CFAP54: variants seen among roughly 807,000 people sequenced by gnomAD.
CFAP54 encodes the protein cilia and flagella associated protein 54.
A neutral mutation model predicts 370.4 loss-of-function variants in CFAP54; 290 were observed. The observed-to-expected ratio is 0.78, with a 90% CI of 0.71 to 0.86. The LOEUF (loss-of-function observed/expected upper bound fraction) is 0.86, where lower values mean the gene tolerates loss of function less well. Among genes scored for constraint, CFAP54 ranks in the 40% least tolerant of loss-of-function variants. CFAP54 has a pLI of 0.00. For missense variants in CFAP54, 3,399 were observed against 3,528.7 expected, an observed-to-expected ratio of 0.96 and a Z score of 0.93; for synonymous variants, 1,206 against 1,236.5, an observed-to-expected ratio of 0.98 and a Z score of 0.52.
intron 36 of CFAP54, among the ~76,000 whole-genome samples, chr12:96,655,228 G>C (rs1289473441): frequency 6.6e-6 from 1 of 150,404 alleles, no homozygotes; most frequent in Non-Finnish European, 1.5e-5. Context: ...GCAGTTCAGA[G>C]GTTTCAAAAA....
chr12:96,667,983 A>G (rs1217711374), intron 39 of CFAP54, among the ~76,000 whole-genome samples: 2 of 152,222 alleles, frequency 1.3e-5, no homozygotes, highest in Admixed American at 6.5e-5. Context: ...GTCTCTTTGC[A>G]TAGCAAGAGT....
chr12:96,636,442 G>C (rs1956665120), intron 32 of CFAP54, among the ~76,000 whole-genome samples: 1 of 151,874 alleles, frequency 6.6e-6, no homozygotes, highest in South Asian at 2.1e-4. Flanking sequence ...ATTAACTTTT[G>C]ACTCTCTGCT....
chr12:96,608,136 C>A (rs1470620709), intron 26 of CFAP54, among the ~76,000 whole-genome samples: 1 of 151,926 alleles, frequency 6.6e-6, no homozygotes, highest in Non-Finnish European at 1.5e-5. Flanking sequence ...GTGACTAGGA[C>A]TTTGTAATAT....
rs1959868009 is a variant in CFAP54 at position 96,861,050 on chromosome 12, T to C, written c.*14+98T>C. On this transcript the variant is annotated intron_variant, in intron 67 of 67. Transcript: ENST00000524981. ...AACAACAAACATAAAATTGTTTTTT[T>C]ACACAAGCTAAATTTCTTTAAAATT... The C allele has an allele frequency of 2.2e-5, 19 of 844,510 alleles. No individual in the cohort carries two copies. The South Asian group carries it at 5.6e-4, about 25-fold the overall frequency. 52.3% of individuals were successfully genotyped at this position (844,510 alleles called of 1,614,324 possible).
chr12:96,500,445 T>A (rs117578509), intron 1 of CFAP54, among the ~76,000 whole-genome samples: 2 of 152,120 alleles, frequency 1.3e-5, no homozygotes, highest in Non-Finnish European at 2.9e-5. Context: ...ACTATGGACT[T>A]TGGGTGATAA....
intron 45 of CFAP54, among the ~76,000 whole-genome samples, chr12:96,696,286 C>G (rs140499009): frequency 6.6e-6 from 1 of 152,116 alleles, no homozygotes; most frequent in Non-Finnish European, 1.5e-5. Context: ...TCTTGAATTC[C>G]CAACTCTGAA....
At chr12:96,872,720 G>A (rs1414810800) in intron 67 of CFAP54, among the ~76,000 whole-genome samples, 1 of 152,158 alleles carries the variant, frequency 6.6e-6, no homozygotes, top group East Asian at 1.9e-4. Flanking sequence ...GTCTGTTGGA[G>A]TAGGTGGTCT....
chr12:96,857,300 C>T (rs1986979903), intron 66 of CFAP54, among the ~76,000 whole-genome samples: 1 of 152,176 alleles, frequency 6.6e-6, no homozygotes, highest in Non-Finnish European at 1.5e-5. Context: ...CCACCTTCTA[C>T]CCTCAAGTAG....
At chr12:96,719,397 C>T (rs767760750) in intron 49 of CFAP54, among the ~76,000 whole-genome samples, 2 of 152,136 alleles carry the variant, frequency 1.3e-5, no homozygotes, top group Admixed American at 1.3e-4. Context: ...TTTTTAGTGG[C>T]CTGTCACTTG....
chr12:96,611,102 G>C (rs815877), intron 26 of CFAP54, among the ~76,000 whole-genome samples: 105,393 of 152,144 alleles, frequency 0.69, 36,646 homozygotes, highest in African/African-American at 0.71. Context: ...AAGTGGGTCC[G>C]TGACCCCTGA....
intron 33 of CFAP54, among the ~76,000 whole-genome samples, chr12:96,647,345 C>T (rs1956806459): frequency 6.6e-6 from 1 of 150,882 alleles, no homozygotes; most frequent in Non-Finnish European, 1.5e-5. Context: ...TGGTGGTGGG[C>T]GCCTGTAGTC....
At chr12:96,745,384 T>C (rs1187407199) in intron 55 of CFAP54, among the ~76,000 whole-genome samples, 2 of 152,228 alleles carry the variant, frequency 1.3e-5, no homozygotes, top group African/African-American at 4.8e-5. Flanking sequence ...CCATTCTGAC[T>C]GGTGTGAAAT....
At chr12:96,771,453 C>A (rs931258795) in intron 60 of CFAP54, among the ~76,000 whole-genome samples, 3 of 152,154 alleles carry the variant, frequency 2.0e-5, no homozygotes, top group Admixed American at 1.3e-4. Flanking sequence ...GAGATGGAGA[C>A]CATCCTGGCT....
chr12:96,719,104 A>G (rs1042033033), intron 49 of CFAP54, among the ~76,000 whole-genome samples: 1 of 151,972 alleles, frequency 6.6e-6, no homozygotes, highest in African/African-American at 2.4e-5. Flanking sequence ...CATCCCGTTT[A>G]TCATTTCCCA....
chr12:96,625,086 A>C (rs1200156033), intron 28 of CFAP54, among the ~76,000 whole-genome samples: 2 of 152,332 alleles, frequency 1.3e-5, no homozygotes, highest in Non-Finnish European at 1.5e-5. Context: ...ATTCAAAAAC[A>C]ATAATAAAAT....
intron 66 of CFAP54, among the ~76,000 whole-genome samples, chr12:96,850,608 TA>T (rs1959513938): frequency 6.6e-6 from 1 of 152,158 alleles, no homozygotes; most frequent in African/African-American, 2.4e-5. Flanking sequence ...GCAAGTCCCT[TA>T]AAGTCTCTAG....
Position 96,642,369 on chromosome 12 carries a change from C to T in CFAP54, c.4317-1809C>T, listed in dbSNP as rs894163637. ...TGTGAGGGCTACTGATGTGGCTTTG[C>T]TTCCAGGTCCTCTCAAAAGGCTGAG... On this transcript the variant is annotated intron_variant, in intron 32 of 67. Transcript: ENST00000524981. Among the ~76,000 whole-genome samples, 5 of 152,300 alleles carry T rather than the reference C, an allele frequency of 3.3e-5. No homozygotes were observed. In the East Asian group the frequency reaches 9.6e-4, roughly 29 times the overall value.
At chr12:96,550,053 C>T (rs1179778664) in intron 15 of CFAP54, among the ~76,000 whole-genome samples, 1 of 152,164 alleles carries the variant, frequency 6.6e-6, no homozygotes, top group African/African-American at 2.4e-5. Context: ...TTTCTTTCTT[C>T]AACAAATGGG....
chr12:96,674,906 C>G (rs1295211023), intron 39 of CFAP54, among the ~76,000 whole-genome samples: 1 of 152,114 alleles, frequency 6.6e-6, no homozygotes, highest in Non-Finnish European at 1.5e-5. Context: ...GAAACTGGAT[C>G]CCTTCCTTAC....
Sources: gnomAD v4.1 joint callset for allele counts (sites outside exome capture counted in the v4.1 genomes callset) on GRCh38, gnomAD v4.1.1 for gene constraint, MANE v1.5 for transcripts, NCBI Gene and HGNC (gene_info 2026-07-23, HGNC 2026-07-21) for gene names.